APAF1: variants seen among roughly 807,000 people sequenced by gnomAD.
The protein encoded by APAF1 is apoptotic protease-activating factor 1.
A neutral mutation model predicts 152.4 loss-of-function variants in APAF1; 91 were observed. The observed-to-expected ratio is 0.60, with a 90% CI of 0.50 to 0.71. The LOEUF (loss-of-function observed/expected upper bound fraction) is 0.71. Ranked by LOEUF, APAF1 falls within the 30% of genes least tolerant of loss-of-function variation. The pLI is 0.00. For synonymous variants in APAF1, 484 were observed against 494.1 expected, an observed-to-expected ratio of 0.98 and a Z score of 0.27; for missense variants, 1,283 against 1,472.0, an observed-to-expected ratio of 0.87 and a Z score of 2.10.
chr12:98,691,086 A>G (rs528464946), intron 16 of APAF1, among the ~76,000 whole-genome samples: 1 of 152,334 alleles, frequency 6.6e-6, no homozygotes, highest in Admixed American at 6.5e-5. Context: ...GCATGCCTGT[A>G]ATCCCAACTA....
At chr12:98,690,992 A>C (rs2097703553) in intron 16 of APAF1, among the ~76,000 whole-genome samples, 1 of 152,086 alleles carries the variant, frequency 6.6e-6, no homozygotes, top group South Asian at 2.1e-4. Context: ...GCGGATCATG[A>C]GGTCAGGAGT....
At chr12:98,698,289 G>A (rs2097711827) in intron 16 of APAF1, among the ~76,000 whole-genome samples, 1 of 152,202 alleles carries the variant, frequency 6.6e-6, no homozygotes, top group Non-Finnish European at 1.5e-5. Context: ...CTGGGCTCAA[G>A]TGATCCTCCC....
chr12:98,708,237 G>A lies in APAF1; in HGVS notation c.2722-348G>A, dbSNP rs148685304. Among the ~76,000 whole-genome samples, 726 of 152,280 alleles carry A rather than the reference G, an allele frequency of 4.8e-3. 4 individuals carry two copies. Among genetic ancestry groups the A allele is most frequent in the African/African-American group, 0.017 (691 of 41,556 alleles). On this transcript the variant is annotated intron_variant, in intron 19 of 26. Transcript: ENST00000551964. ...TGGGATTACAGGTGTGAGCCCCTGC[G>A]CCTGGCCCAAACTTCTTACCTTGTG...
intron 17 of APAF1, among the ~76,000 whole-genome samples, chr12:98,701,269 A>G (rs929141195): frequency 2.0e-5 from 3 of 152,150 alleles, no homozygotes; most frequent in Non-Finnish European, 4.4e-5. Context: ...TCATCTGTTG[A>G]TGGACACTTG....
chr12:98,648,841 A>C, intron 3 of APAF1, 26 bp downstream of exon 3: 1 of 1,602,984 alleles, frequency 6.2e-7, no homozygotes, highest in Non-Finnish European at 8.5e-7. Flanking sequence ...ACCTTCTATC[A>C]CTTTGCTATC....
chr12:98,698,937 A>G (rs1434437802), intron 16 of APAF1, among the ~76,000 whole-genome samples: 1 of 152,162 alleles, frequency 6.6e-6, no homozygotes, highest in Non-Finnish European at 1.5e-5. Context: ...CCCTGTTTTC[A>G]GAGACTTCCT....
chr12:98,732,438 G>C lies in APAF1; in HGVS notation c.3619G>C (p.Gly1207Arg). Residue 1207 changes from glycine (G) to arginine (R), a missense_variant, in exon 27 of 27, where the codon GGG becomes CGG. Gly to Arg is a moderately radical substitution (Grantham distance 125). Transcript: ENST00000551964. ...GYIKWWNVVT[G>R]ESSQTFYTNG... ...TGAACAGTGGTGGAACGTTGTCACTGGGGAATCCTCACAGACCTTCTACAC... is the reference window on the plus strand; with the variant it reads ...TGAACAGTGGTGGAACGTTGTCACTCGGGAATCCTCACAGACCTTCTACAC... 6.2e-7 allele frequency: 1 copy of C among 1,613,452 alleles called. No individual in the cohort carries two copies. Among genetic ancestry groups the C allele is most frequent in the Non-Finnish European group, 8.5e-7 (1 of 1,179,424 alleles).
At chr12:98,663,510 A>C (rs1330694736) in intron 7 of APAF1, among the ~76,000 whole-genome samples, 4 of 152,142 alleles carry the variant, frequency 2.6e-5, no homozygotes, top group Non-Finnish European at 5.9e-5. Context: ...CACCATGTCC[A>C]GCCTGTTACC....
At chr12:98,690,918 C>T (rs947562005) in intron 16 of APAF1, among the ~76,000 whole-genome samples, 20 of 152,096 alleles carry the variant, frequency 1.3e-4, no homozygotes, top group Non-Finnish European at 1.5e-5. Context: ...CCAAAAAGTC[C>T]TGTACTTGGG....
chr12:98,710,062 C>A (rs913757700), intron 20 of APAF1, among the ~76,000 whole-genome samples: 3 of 151,958 alleles, frequency 2.0e-5, no homozygotes, highest in Admixed American at 2.0e-4. Flanking sequence ...TTAGTAGAGA[C>A]AGGCTTGTGC....
Position 98,662,582 on chromosome 12 carries a change from G to C in APAF1, c.823+14G>C, listed in dbSNP as rs201309144. 1.2e-5 allele frequency: 19 copies of C among 1,607,638 alleles called. No homozygotes were observed. The highest frequency in any genetic ancestry group is 1.6e-5 in the Non-Finnish European group (19 of 1,174,748). ...ATTCAGTAATGGGTAAGGATTATTC[G>C]TTTACTTTTTAGTACCTTTATATTT... On this transcript the variant is annotated intron_variant, in intron 6 of 26. Transcript: ENST00000551964.
chr12:98,684,486 C>T (rs914204842), intron 15 of APAF1, among the ~76,000 whole-genome samples: 2 of 149,434 alleles, frequency 1.3e-5, no homozygotes, highest in East Asian at 4.0e-4. Flanking sequence ...GTCTCCTCCT[C>T]CTCCTCCCTC....
intron 21 of APAF1, among the ~76,000 whole-genome samples, chr12:98,714,505 CCA>C (rs1466385919): frequency 5.3e-5 from 8 of 152,138 alleles, no homozygotes; most frequent in Non-Finnish European, 1.2e-4. Context: ...ACTCTTATTT[CCA>C]CAATTTTCAT....
rs138315125 is a variant in APAF1, at chr12:98,676,335, G to A, written c.1794-1090G>A. On this transcript the variant is annotated intron_variant, in intron 12 of 26. Transcript: ENST00000551964. ...AGCGATTCTCATGCCTCAGCCTCCC[G>A]AGTAGCTAGGATTACAGGTGTGTGC... is the stretch of plus-strand genomic sequence containing the variant. Among the ~76,000 whole-genome samples the A allele has an allele frequency of 1.3e-3, 192 of 148,870 alleles. 4 individuals carry two copies. The East Asian group carries it at 0.034, about 27-fold the overall frequency.
chr12:98,707,362 A>C (rs552178930), intron 19 of APAF1, among the ~76,000 whole-genome samples: 1 of 152,234 alleles, frequency 6.6e-6, no homozygotes, highest in South Asian at 2.1e-4. Context: ...ACTTACCTGT[A>C]TCTCTGTTTG....
intron 16 of APAF1, among the ~76,000 whole-genome samples, chr12:98,688,162 TA>T (rs1427464307): frequency 6.6e-6 from 1 of 152,282 alleles, no homozygotes; most frequent in Non-Finnish European, 1.5e-5. Context: ...TTTATAGGCC[TA>T]AAAAAATGAA....
intron 12 of APAF1, among the ~76,000 whole-genome samples, chr12:98,674,615 A>G (rs1160104913): frequency 1.3e-5 from 2 of 152,162 alleles, no homozygotes; most frequent in African/African-American, 4.8e-5. Context: ...TGAAGTATAG[A>G]ATAGTTTGGA....
intron 26 of APAF1, among the ~76,000 whole-genome samples, chr12:98,729,791 A>G (rs1300344281): frequency 6.6e-6 from 1 of 152,218 alleles, no homozygotes; most frequent in Admixed American, 6.5e-5. Flanking sequence ...CACAGCTGCA[A>G]TTTTACCACC....
intron 26 of APAF1, among the ~76,000 whole-genome samples, 160 bp from the exon 27 acceptor site, chr12:98,732,260 C>T (rs2153346220): frequency 6.6e-6 from 1 of 152,268 alleles, no homozygotes; most frequent in Middle Eastern, 3.4e-3. Flanking sequence ...AGAGGCTGAC[C>T]AGGTTGAATA....
Sources: gnomAD v4.1 joint callset for allele counts (sites outside exome capture counted in the v4.1 genomes callset) on GRCh38, gnomAD v4.1.1 for gene constraint, MANE v1.5 for transcripts, NCBI Gene and HGNC (gene_info 2026-07-23, HGNC 2026-07-21) for gene names.